PTPN4: variants seen among roughly 807,000 people sequenced by gnomAD.
PTPN4 encodes tyrosine-protein phosphatase non-receptor type 4.
Under a neutral mutation model 135.5 loss-of-function variants are expected in PTPN4, and 49 were observed. The observed-to-expected ratio is 0.36, with a 90% CI of 0.29 to 0.46. The LOEUF is 0.46. Among genes scored for constraint, PTPN4 ranks in the 20% least tolerant of loss-of-function variants. The probability of loss-of-function intolerance (pLI) is 1.00; values close to 1 mark genes in which losing one functional copy is unlikely to be tolerated. For missense variants in PTPN4, 860 were observed against 1,101.0 expected (o/e 0.78, Z 3.10); for synonymous variants, 333 against 369.9 (o/e 0.90, Z 1.14).
At chr2:119,767,578 A>T (rs1359804752) in intron 1 of PTPN4, among the ~76,000 whole-genome samples, 1 of 152,208 alleles carries the variant, frequency 6.6e-6, no homozygotes, top group Admixed American at 6.5e-5. Context: ...CACACATTGC[A>T]TTTAATTGTC....
At chr2:119,770,828 G>A (rs201240912) in intron 1 of PTPN4, among the ~76,000 whole-genome samples, 1 of 151,166 alleles carries the variant, frequency 6.6e-6, no homozygotes, top group East Asian at 1.9e-4. Flanking sequence ...GCTCCCTGAA[G>A]CATTTTACAT....
chr2:119,958,699 AG>A (rs901341143), intron 22 of PTPN4, among the ~76,000 whole-genome samples: 1 of 152,220 alleles, frequency 6.6e-6, no homozygotes, highest in African/African-American at 2.4e-5. Flanking sequence ...CCAGGCCAAA[AG>A]TCACAACATT....
At chr2:119,851,931 A>G (rs1161458126) in intron 2 of PTPN4, among the ~76,000 whole-genome samples, 2 of 152,192 alleles carry the variant, frequency 1.3e-5, no homozygotes, top group Non-Finnish European at 1.5e-5. Flanking sequence ...TACCTGTAAC[A>G]CTATGATTTC....
At chr2:119,804,104 G>A (rs990841889) in intron 1 of PTPN4, among the ~76,000 whole-genome samples, 5 of 151,666 alleles carry the variant, frequency 3.3e-5, no homozygotes, top group South Asian at 2.1e-4. Context: ...CCCCCACTCC[G>A]CCAATCACTG....
At chr2:119,826,458 G>C (rs188027318) in intron 2 of PTPN4, among the ~76,000 whole-genome samples, 53 of 152,218 alleles carry the variant, frequency 3.5e-4, no homozygotes, top group Non-Finnish European at 5.6e-4. Flanking sequence ...TTCCTAAATG[G>C]GGCAGACTTT....
At chr2:119,941,049 G>A (rs1455789012) in intron 15 of PTPN4, among the ~76,000 whole-genome samples, 1 of 152,080 alleles carries the variant, frequency 6.6e-6, no homozygotes, top group African/African-American at 2.4e-5. Context: ...TATGCTGCCT[G>A]GTTATTCTCC....
At chr2:119,872,551 TAC>T (rs1018717240) in intron 3 of PTPN4, among the ~76,000 whole-genome samples, 8 of 152,196 alleles carry the variant, frequency 5.3e-5, no homozygotes, top group Non-Finnish European at 8.8e-5. Flanking sequence ...TCTTTTACCC[TAC>T]CCCTCTTACC....
chr2:119,973,655 G>GTTTTTTTTTTTTTTTTTTTTTTTTTT lies in PTPN4; in HGVS notation c.2695-3327_2695-3302dup, dbSNP rs70949378. Among the ~76,000 whole-genome samples the GTTTTTTTTTTTTTTTTTTTTTTTTTT allele has an allele frequency of 4.2e-4, 16 of 38,390 alleles. 5 individuals carry two copies. Among genetic ancestry groups the GTTTTTTTTTTTTTTTTTTTTTTTTTT allele is most frequent in the Admixed American group, 8.8e-4 (2 of 2,280 alleles). 25.2% of individuals were successfully genotyped at this position (38,390 alleles called of 152,430 possible). ...TTGAAAGCTTCCTCCTTCATTTCTT[G>GTTTTTTTTTTTTTTTTTTTTTTTTTT]TTTTTTTTTTTTTTTTTTTTTTTTT... is the stretch of plus-strand genomic sequence containing the variant. On this transcript the variant is annotated intron_variant, in intron 26 of 26. Coordinates refer to ENST00000263708, the MANE Select transcript of PTPN4 (RefSeq NM_002830.4).
chr2:119,955,050 G>C (rs1350525297), intron 19 of PTPN4, 107 bp from the exon 20 acceptor site: 7 of 1,052,506 alleles, frequency 6.7e-6, no homozygotes, highest in Admixed American at 2.6e-5. Context: ...CTTCACAAAT[G>C]AATTATTTTT....
intron 8 of PTPN4, among the ~76,000 whole-genome samples, chr2:119,882,978 G>A (rs1678101860): frequency 6.6e-6 from 1 of 151,992 alleles, no homozygotes; most frequent in African/African-American, 2.4e-5. Context: ...GATTCTCCTT[G>A]GTAGTGAGCC....
intron 1 of PTPN4, among the ~76,000 whole-genome samples, chr2:119,774,673 A>G (rs1390619218): frequency 1.3e-5 from 2 of 152,226 alleles, no homozygotes; most frequent in Non-Finnish European, 2.9e-5. Flanking sequence ...AAAAAATGTC[A>G]GGATAACAGC....
intron 1 of PTPN4, among the ~76,000 whole-genome samples, chr2:119,796,597 A>C (rs1691265110): frequency 6.6e-6 from 1 of 152,192 alleles, no homozygotes; most frequent in Non-Finnish European, 1.5e-5. Context: ...AATATCACAT[A>C]TGAATAAACT....
At chr2:119,944,007 C>CT (rs932853681) in intron 15 of PTPN4, among the ~76,000 whole-genome samples, 14 of 151,264 alleles carry the variant, frequency 9.3e-5, no homozygotes, top group Admixed American at 4.6e-4. Flanking sequence ...GGAAGAAGAA[C>CT]TTTTTTTTTA....
intron 1 of PTPN4, among the ~76,000 whole-genome samples, chr2:119,806,572 T>C (rs950407882): frequency 6.6e-6 from 1 of 152,160 alleles, no homozygotes; most frequent in Non-Finnish European, 1.5e-5. Context: ...CCGAGATTCA[T>C]AAAACAAGTC....
chr2:119,874,457 T>C (rs894642010), intron 3 of PTPN4, among the ~76,000 whole-genome samples: 1 of 152,182 alleles, frequency 6.6e-6, no homozygotes, highest in African/African-American at 2.4e-5. Context: ...TGAGTTATTG[T>C]TACATGCCAC....
intron 1 of PTPN4, among the ~76,000 whole-genome samples, chr2:119,762,594 G>A (rs543253866): frequency 6.6e-6 from 1 of 152,102 alleles, no homozygotes; most frequent in Admixed American, 6.5e-5. Flanking sequence ...GAGTACTTCT[G>A]CCCCCCGCTT....
chr2:119,858,736 G>A (rs776456571), intron 2 of PTPN4, among the ~76,000 whole-genome samples: 9 of 151,856 alleles, frequency 5.9e-5, no homozygotes, highest in Non-Finnish European at 1.0e-4. Context: ...AGGTTCAAGC[G>A]GTTCTCCTGC....
intron 2 of PTPN4, among the ~76,000 whole-genome samples, chr2:119,838,389 C>G (rs1440874242): frequency 3.3e-5 from 5 of 152,128 alleles, no homozygotes; most frequent in Non-Finnish European, 5.9e-5. Context: ...AAGTGACACC[C>G]CATGAATTCT....
intron 3 of PTPN4, among the ~76,000 whole-genome samples, chr2:119,873,890 G>T (rs1677949241): frequency 6.6e-6 from 1 of 152,000 alleles, no homozygotes; most frequent in African/African-American, 2.4e-5. Flanking sequence ...ACAAAATTAA[G>T]GGTTTATCAT....
Sources: allele counts gnomAD v4.1 joint callset (sites outside exome capture counted in the v4.1 genomes callset), GRCh38; gene constraint gnomAD v4.1.1; transcripts MANE v1.5; gene names NCBI Gene and HGNC (gene_info 2026-07-23, HGNC 2026-07-21).